Variants in CHM observed in about 807,000 individuals in gnomAD.
The protein encoded by CHM is rab proteins geranylgeranyltransferase component A 1.
Under a neutral mutation model 49.0 loss-of-function variants are expected in CHM, and 10 were observed. That is an observed-to-expected ratio of 0.20 (90% CI 0.13 to 0.35). CHM has a LOEUF of 0.35. CHM is among the 10% of genes least tolerant of loss of function. CHM has a pLI of 1.00. For synonymous variants in CHM, 184 were observed against 167.5 expected (o/e 1.10, Z -0.76); for missense variants, 455 against 478.4 (o/e 0.95, Z 0.46).
intron 8 of CHM, among the ~76,000 whole-genome samples, chrX:85,923,079 C>T (rs1044899794): frequency 8.9e-6 from 1 of 111,746 alleles, no homozygotes; most frequent in Admixed American, 9.5e-5. Context: ...GAGATCAACT[C>T]GTGGGGGTGA....
At chrX:86,028,962 T>C (rs1215961448) in intron 1 of CHM, among the ~76,000 whole-genome samples, 1 of 111,815 alleles carries the variant, frequency 8.9e-6, no homozygotes, top group Non-Finnish European at 1.9e-5. Context: ...AATATGCATA[T>C]GGAAACAATT....
intron 8 of CHM, among the ~76,000 whole-genome samples, chrX:85,945,685 A>G (rs1224079079): frequency 9.1e-6 from 1 of 109,885 alleles, no homozygotes; most frequent in Non-Finnish European, 1.9e-5. Flanking sequence ...GAAAACTTGT[A>G]CAGAGGAATG....
At chrX:85,882,333 C>T (rs1924814002) in intron 12 of CHM, among the ~76,000 whole-genome samples, 1 of 111,397 alleles carries the variant, frequency 9.0e-6, no homozygotes, top group African/African-American at 3.3e-5. Context: ...CCAACAACGA[C>T]CACAAATTAG....
intron 5 of CHM, among the ~76,000 whole-genome samples, 181 bp from the exon 6 acceptor site, chrX:85,959,158 C>T (rs1930162746): frequency 9.0e-6 from 1 of 111,369 alleles, no homozygotes; most frequent in Non-Finnish European, 1.9e-5. Flanking sequence ...ATTCAAAATT[C>T]AAAAAACTTT....
chrX:85,955,277 T>G (rs1010546437), intron 8 of CHM, among the ~76,000 whole-genome samples: 5 of 111,827 alleles, frequency 4.5e-5, no homozygotes, highest in Non-Finnish European at 9.4e-5. Context: ...AAAGGATAAA[T>G]GTGTGAAGGG....
chrX:85,900,505 T>G (rs1313612452), intron 11 of CHM, 141 bp downstream of exon 11: 4 of 471,757 alleles, frequency 8.5e-6, no homozygotes, highest in Non-Finnish European at 1.5e-5. Flanking sequence ...AGATCTTAAG[T>G]GTTCTCACCA....
intron 1 of CHM, among the ~76,000 whole-genome samples, chrX:86,027,885 T>C (rs1157257915): frequency 9.1e-6 from 1 of 110,456 alleles, no homozygotes; most frequent in Non-Finnish European, 1.9e-5. Flanking sequence ...TGCCTCAGCC[T>C]CCCGAGTAGC....
chrX:85,940,514 C>T (rs1929042800), intron 8 of CHM, among the ~76,000 whole-genome samples: 1 of 110,646 alleles, frequency 9.0e-6, no homozygotes, highest in Non-Finnish European at 1.9e-5. Flanking sequence ...TTGTCTGTCA[C>T]AAGTGGGTTG....
At chrX:86,037,322 G>A (rs1934291312) in intron 1 of CHM, among the ~76,000 whole-genome samples, 1 of 109,701 alleles carries the variant, frequency 9.1e-6, no homozygotes, top group Non-Finnish European at 1.9e-5. Context: ...TCACTGTGTT[G>A]GTTGGGCTGG....
intron 8 of CHM, among the ~76,000 whole-genome samples, chrX:85,914,763 C>A (rs953388162): frequency 1.8e-5 from 2 of 111,330 alleles, no homozygotes; most frequent in African/African-American, 3.3e-5. Context: ...CCATTCTGTG[C>A]CTCCCACGCC....
chrX:86,007,967 T>C (rs995882881), intron 2 of CHM, among the ~76,000 whole-genome samples: 62 of 112,256 alleles, frequency 5.5e-4, no homozygotes, highest in African/African-American at 1.9e-3. Flanking sequence ...CGTATGTTTA[T>C]TGTGGCACTA....
At chrX:85,958,734 A>T in intron 6 of CHM, 127 bp downstream of exon 6, 1 of 1,053,151 alleles carries the variant, frequency 9.5e-7, no homozygotes, top group Non-Finnish European at 1.3e-6. Flanking sequence ...TACATTTGTA[A>T]ATCACCACGG....
intron 1 of CHM, among the ~76,000 whole-genome samples, chrX:86,033,893 T>C (rs1310018912): frequency 8.9e-6 from 1 of 112,183 alleles, no homozygotes; most frequent in Non-Finnish European, 1.9e-5. Flanking sequence ...TGGAACAAAA[T>C]GTGTATTTAT....
At chrX:86,016,188 T>C (rs1055801190) in intron 2 of CHM, among the ~76,000 whole-genome samples, 5 of 110,997 alleles carry the variant, frequency 4.5e-5, no homozygotes, top group African/African-American at 1.6e-4. Context: ...CATTCAGTTT[T>C]ATAAGGGAAG....
rs774656854 is a variant in CHM, at chrX:85,943,408, T to C, written c.1166+12745A>G. Among the ~76,000 whole-genome samples, 6 of 112,191 alleles carry C rather than the reference T, an allele frequency of 5.3e-5. No homozygotes were observed. In the East Asian group the frequency reaches 1.4e-3, roughly 26 times the overall value. On this transcript the variant is annotated intron_variant, in intron 8 of 14. Transcript: ENST00000357749. ...TTATCGAATGCACAAATTCAAGTTA[T>C]AGGGGTAAGGAGGAGATAATTTGCT...
At position 85,863,318 on chromosome X, in the gene CHM, C is replaced by A. The variant is rs1008324867; in HGVS notation, c.*1312G>T. The A allele has an allele frequency of 9.0e-6, 1 of 111,552 alleles. No individual in the cohort carries two copies. Among genetic ancestry groups the A allele is most frequent in the East Asian group, 2.8e-4 (1 of 3,519 alleles). 9.2% of individuals were successfully genotyped at this position (111,552 alleles called of 1,213,427 possible). ...ATGTTGGCCAGGCTGGTCTCGAACT[C>A]CTGACCTCAAGTGATCTACCCACCT... On this transcript the variant is annotated 3_prime_UTR_variant, in exon 15 of 15. Coordinates refer to ENST00000357749, the MANE Select transcript of CHM (RefSeq NM_000390.4).
intron 9 of CHM, among the ~76,000 whole-genome samples, chrX:85,907,356 A>G (rs7885172): frequency 0.25 from 27,435 of 110,618 alleles, 2,573 homozygotes; most frequent in African/African-American, 0.3. Context: ...CTACCCTACC[A>G]ATATATCAAA....
At chrX:86,026,811 TTTC>T (rs1933844505) in intron 2 of CHM, 1 of 111,895 alleles carries the variant, frequency 8.9e-6, no homozygotes, top group South Asian at 3.7e-4. Context: ...AAAAAGTGTG[TTTC>T]TTCTTTCTAT....
chrX:85,873,969 G>T (rs957521367), intron 13 of CHM, among the ~76,000 whole-genome samples: 1 of 111,395 alleles, frequency 9.0e-6, no homozygotes, highest in African/African-American at 3.3e-5. Flanking sequence ...TCTCATTTAA[G>T]AGCATGTGTC....
Sources: gnomAD v4.1 joint callset for allele counts (sites outside exome capture counted in the v4.1 genomes callset) on GRCh38, gnomAD v4.1.1 for gene constraint, MANE v1.5 for transcripts, NCBI Gene and HGNC (gene_info 2026-07-23, HGNC 2026-07-21) for gene names.